The following MRAP variants were observed in gnomAD, a reference collection of about 807,000 sequenced individuals.
MRAP encodes melanocortin 2 receptor accessory protein, also known as melanocortin-2 receptor accessory protein.
In MRAP, 8 loss-of-function variants were observed where a neutral mutation model predicts 8.7. The ratio of observed to expected loss-of-function variants is 0.92; its 90% confidence interval spans 0.54 to 1.66. MRAP has a LOEUF of 1.66. MRAP is among the 40% of genes most tolerant of loss of function. The pLI is 0.00. For synonymous variants in MRAP, 95 were observed against 95.5 expected, an observed-to-expected ratio of 1.00 and a Z score of 0.03; for missense variants, 237 against 217.1, an observed-to-expected ratio of 1.09 and a Z score of -0.58.
rs1483542403 is a variant in MRAP, at chr21:32,312,108, A to T, written c.*112A>T. 1 of 1,571,916 alleles carries T rather than the reference A, an allele frequency of 6.4e-7. No homozygotes were observed. Among genetic ancestry groups the T allele is most frequent in the East Asian group, 2.3e-5 (1 of 43,830 alleles). On this transcript the variant is annotated 3_prime_UTR_variant, in exon 3 of 3. Transcript: ENST00000303645. ...TTTGCATGTAGCAGAAAGGGCACCTAGGTCAAGTGCAACTAGAGCAGGAGC... is the reference window on the plus strand; with the variant it reads ...TTTGCATGTAGCAGAAAGGGCACCTTGGTCAAGTGCAACTAGAGCAGGAGC...
chr21:32,293,854 G>C, intron 2 of MRAP, among the ~76,000 whole-genome samples: 1 of 151,938 alleles, frequency 6.6e-6, no homozygotes, highest in East Asian at 1.9e-4. Context: ...TAATGTCAAA[G>C]GGGCAACATT....
chr21:32,300,295 C>G (rs191892832), intron 1 of MRAP, among the ~76,000 whole-genome samples: 1 of 152,308 alleles, frequency 6.6e-6, no homozygotes, highest in African/African-American at 2.4e-5. Flanking sequence ...TTTGGGATTA[C>G]GTCGTATGTC....
At chr21:32,296,710 T>C (rs184549926), upstream of MRAP, among the ~76,000 whole-genome samples, 95 of 152,334 alleles carry the variant, frequency 6.2e-4, 1 homozygote, top group Admixed American at 3.3e-3. Context: ...TATGATATTA[T>C]TAGTGTTAGA....
chr21:32,314,086 A>C (rs183870718), downstream of MRAP: 98 of 162,882 alleles, frequency 6.0e-4, no homozygotes, highest in Non-Finnish European at 1.1e-3. Context: ...TCAGTGTAAC[A>C]TCCTTTTCTT....
intron 2 of MRAP, among the ~76,000 whole-genome samples, chr21:32,309,389 G>C (rs973525128): frequency 6.6e-6 from 1 of 151,960 alleles, no homozygotes; most frequent in African/African-American, 2.4e-5. Context: ...CACTCGCCAG[G>C]CCATTTCCGC....
chr21:32,311,415 A>ACCCCCC, intron 2 of MRAP: 4 of 113,772 alleles, frequency 3.5e-5, no homozygotes, highest in Admixed American at 1.1e-4. Context: ...TCCACCCCCC[A>ACCCCCC]CCCCCCCCAT....
At chr21:32,311,614 C>T (rs2032573794) in intron 2 of MRAP, 70 bp from the exon 3 acceptor site, 2 of 1,560,392 alleles carry the variant, frequency 1.3e-6, no homozygotes, top group African/African-American at 1.4e-5. Context: ...GCAGGAAACC[C>T]CCCAGCCCCA....
chr21:32,301,150 G>A (rs2032291452), intron 1 of MRAP, among the ~76,000 whole-genome samples: 1 of 149,644 alleles, frequency 6.7e-6, no homozygotes, highest in South Asian at 2.1e-4. Context: ...TTTTAGTAGA[G>A]ACGTGGTTTC....
Position 32,306,624 on chromosome 21 carries a change from TCTC to T in MRAP, c.107-8_107-6del, listed in dbSNP as rs1001201948. The T allele has an allele frequency of 1.9e-6, 3 of 1,611,874 alleles. No individual in the cohort carries two copies. Among genetic ancestry groups the T allele is most frequent in the African/African-American group, 2.7e-5 (2 of 74,836 alleles). On this transcript the variant is annotated splice_polypyrimidine_tract_variant and intron_variant, in intron 1 of 2. Coordinates refer to ENST00000303645, the MANE Select transcript of MRAP (RefSeq NM_001379228.1). ...TGACATAACCCAGCGCTGAGATGCATCTCCTCCTCCCGCAGATTCCATCGTGAT... is the reference window on the plus strand; with the variant it reads ...TGACATAACCCAGCGCTGAGATGCATCTCCTCCCGCAGATTCCATCGTGAT...
chr21:32,300,329 CTA>C (rs1008525330), intron 1 of MRAP, among the ~76,000 whole-genome samples: 6 of 152,012 alleles, frequency 3.9e-5, no homozygotes, highest in South Asian at 2.1e-4. Context: ...GTCATGCATC[CTA>C]TGTCAGGGGC....
intron 2 of MRAP, among the ~76,000 whole-genome samples, chr21:32,293,529 C>T (rs891225025): frequency 2.6e-5 from 4 of 152,078 alleles, no homozygotes; most frequent in Admixed American, 2.6e-4. Context: ...AAATGAGGTC[C>T]CACCACCTGA....
chr21:32,299,616 C>G (rs534628469), intron 1 of MRAP, among the ~76,000 whole-genome samples: 1 of 152,168 alleles, frequency 6.6e-6, no homozygotes, highest in Non-Finnish European at 1.5e-5. Context: ...CAGGTGTGAG[C>G]CACCGTGCCT....
chr21:32,307,008 C>A (rs752118779), intron 2 of MRAP, among the ~76,000 whole-genome samples: 1 of 152,166 alleles, frequency 6.6e-6, no homozygotes, highest in African/African-American at 2.4e-5. Context: ...GGATGCTCAA[C>A]CTACGTCCCT....
upstream of MRAP, among the ~76,000 whole-genome samples, chr21:32,295,516 G>GA (rs1156238984): frequency 6.6e-6 from 1 of 152,182 alleles, no homozygotes; most frequent in African/African-American, 2.4e-5. Flanking sequence ...ACTTTAGAGA[G>GA]ATAGTTAACA....
chr21:32,307,791 T>C (rs903028552), intron 2 of MRAP, among the ~76,000 whole-genome samples: 4 of 152,118 alleles, frequency 2.6e-5, no homozygotes, highest in Non-Finnish European at 5.9e-5. Context: ...GGAGGATCAC[T>C]AGAGCCCAGC....
intron 2 of MRAP, 46 bp downstream of exon 2, chr21:32,306,785 CAGTG>C: frequency 2.2e-6 from 3 of 1,370,984 alleles, no homozygotes; most frequent in South Asian, 1.2e-5. Flanking sequence ...AGACGCTCTC[CAGTG>C]AGTAACAGTG....
At chr21:32,306,788 T>G in intron 2 of MRAP, 49 bp downstream of exon 2, 3 of 1,382,310 alleles carry the variant, frequency 2.2e-6, no homozygotes, top group Non-Finnish European at 3.1e-6. Context: ...CGCTCTCCAG[T>G]GAGTAACAGT....
At chr21:32,304,949 ATT>A (rs1305405403) in intron 1 of MRAP, among the ~76,000 whole-genome samples, 1 of 113,270 alleles carries the variant, frequency 8.8e-6, no homozygotes, top group Non-Finnish European at 1.8e-5. Flanking sequence ...TTTGAGGGGG[ATT>A]TGTTTTTTTT....
In MRAP at chr21:32,311,974, G is replaced by C. The variant is rs748574226; in HGVS notation, c.497G>C (p.Arg166Thr). 6.2e-7 allele frequency: 1 copy of C among 1,613,402 alleles called. No individual in the cohort carries two copies. The highest frequency in any genetic ancestry group is 8.5e-7 in the Non-Finnish European group (1 of 1,180,044). ...SKPSEPPPGD[R>T]TSQLQS ...CCCAGCGAGCCTCCCCCTGGAGACA[G>C]GACCTCTCAATTGCAGAGCTGATGT... Residue 166 changes from arginine to threonine, a missense_variant, in exon 3 of 3, where the codon AGG becomes ACG. By Grantham distance (71) the Arg-to-Thr change is moderately conservative (BLOSUM62 -1). Transcript: ENST00000303645.
Sources: gnomAD v4.1 joint callset for allele counts (sites outside exome capture counted in the v4.1 genomes callset) on GRCh38, gnomAD v4.1.1 for gene constraint, MANE v1.5 for transcripts, NCBI Gene and HGNC (gene_info 2026-07-23, HGNC 2026-07-21) for gene names.